Variants in RNF180 observed in about 807,000 individuals in gnomAD.
RNF180 encodes the protein ring finger protein 180, also known as E3 ubiquitin-protein ligase RNF180.
Under a neutral mutation model 59.2 loss-of-function variants are expected in RNF180, and 38 were observed. That is an observed-to-expected ratio of 0.64 (90% CI 0.50 to 0.84). RNF180 has a LOEUF of 0.84. RNF180 is among the 40% of genes least tolerant of loss of function. The pLI, the probability that RNF180 is intolerant of heterozygous loss-of-function variation, is 0.00. For synonymous variants in RNF180, 262 were observed against 240.3 expected (o/e 1.09, Z -0.84); for missense variants, 705 against 700.9 (o/e 1.01, Z -0.07).
At chr5:64,210,582 A>C (rs16892569) in intron 2 of RNF180, among the ~76,000 whole-genome samples, 1,934 of 152,290 alleles carry the variant, frequency 0.013, 41 homozygotes, top group African/African-American at 0.044. Flanking sequence ...CAGTGGAGAT[A>C]GAATGTGACT....
intron 7 of RNF180, among the ~76,000 whole-genome samples, chr5:64,351,309 A>G (rs1745800529): frequency 1.3e-5 from 2 of 152,154 alleles, no homozygotes; most frequent in Admixed American, 1.3e-4. Flanking sequence ...TTGGGCTGAG[A>G]TGATGGGGTT....
intron 5 of RNF180, among the ~76,000 whole-genome samples, chr5:64,261,701 A>T (rs926357246): frequency 6.6e-6 from 1 of 152,048 alleles, no homozygotes; most frequent in Non-Finnish European, 1.5e-5. Context: ...TTAAGTAGGG[A>T]TTTCTTTTGA....
intron 7 of RNF180, among the ~76,000 whole-genome samples, chr5:64,368,010 A>G (rs180919611): frequency 2.0e-5 from 3 of 151,864 alleles, no homozygotes; most frequent in Admixed American, 1.3e-4. Flanking sequence ...TTTTTTCTCA[A>G]GCTCTAATTA....
intron 7 of RNF180, among the ~76,000 whole-genome samples, chr5:64,355,220 AACATGGCAGGTTATACGATCAGC>A (rs1374729140): frequency 1.3e-5 from 2 of 151,986 alleles, no homozygotes; most frequent in African/African-American, 4.8e-5. Context: ...TTAATTTAGC[AACATGGCAGGTTATACGATCAGC>A]ACATAAAAAT....
intron 5 of RNF180, among the ~76,000 whole-genome samples, chr5:64,322,471 G>A (rs1487390338): frequency 6.6e-5 from 10 of 151,968 alleles, no homozygotes; most frequent in African/African-American, 1.2e-4. Context: ...TCAGAATGGC[G>A]ATTATTAAAA....
rs992659681 is a variant in RNF180 at position 64,199,662 on chromosome 5, G to C, written c.1-1146G>C. ...CTTTCAATAAGTGTTGGACGAATGA[G>C]AACTGAATGAACAAATGAGGAAATG... On this transcript the variant is annotated intron_variant, in intron 1 of 7. Transcript: ENST00000389100. Among the ~76,000 whole-genome samples the C allele has an allele frequency of 2.0e-5, 3 of 152,216 alleles. 1 individual carries two copies. The South Asian group carries it at 6.2e-4, about 32-fold the overall frequency.
intron 7 of RNF180, among the ~76,000 whole-genome samples, chr5:64,349,315 CTTCA>C (rs1338320430): frequency 6.6e-6 from 1 of 150,938 alleles, no homozygotes; most frequent in Non-Finnish European, 1.5e-5. Context: ...TTGTTGTTAA[CTTCA>C]TTTTTTTTGT....
At chr5:64,322,599 A>G (rs1390444625) in intron 5 of RNF180, among the ~76,000 whole-genome samples, 2 of 105,654 alleles carry the variant, frequency 1.9e-5, no homozygotes, top group African/African-American at 7.6e-5. Context: ...GAATATATAT[A>G]TACGTGTGTG....
At chr5:64,349,288 A>T (rs1042074549) in intron 7 of RNF180, among the ~76,000 whole-genome samples, 4 of 152,120 alleles carry the variant, frequency 2.6e-5, no homozygotes, top group Non-Finnish European at 5.9e-5. Context: ...AATGCCAAAG[A>T]AAGGATTTTG....
chr5:64,175,483 A>G (rs1273779238), intron 1 of RNF180, among the ~76,000 whole-genome samples: 4 of 151,968 alleles, frequency 2.6e-5, no homozygotes, highest in South Asian at 2.1e-4. Flanking sequence ...TGGCTTTTCT[A>G]TTTTTATAGC....
intron 1 of RNF180, among the ~76,000 whole-genome samples, chr5:64,167,769 A>C (rs1451187680): frequency 6.6e-6 from 1 of 152,164 alleles, no homozygotes; most frequent in East Asian, 1.9e-4. Context: ...ACAAGGGGAC[A>C]GTGTGCTTAG....
chr5:64,182,650 C>T (rs1334400505), intron 1 of RNF180, among the ~76,000 whole-genome samples: 3 of 152,144 alleles, frequency 2.0e-5, no homozygotes, highest in Non-Finnish European at 4.4e-5. Flanking sequence ...GAACAGCTGT[C>T]TCCAGAGGCA....
chr5:64,216,201 G>A (rs1185101571), intron 4 of RNF180, among the ~76,000 whole-genome samples: 2 of 152,064 alleles, frequency 1.3e-5, no homozygotes, highest in African/African-American at 2.4e-5. Context: ...AAAGTGTATG[G>A]CAGCACAGAA....
At chr5:64,241,237 A>C (rs1050797419) in intron 5 of RNF180, among the ~76,000 whole-genome samples, 5 of 152,216 alleles carry the variant, frequency 3.3e-5, no homozygotes, top group African/African-American at 1.2e-4. Context: ...TTCCCAAAAA[A>C]CAAAGACACA....
At chr5:64,311,680 G>T (rs1255915941) in intron 5 of RNF180, among the ~76,000 whole-genome samples, 1 of 151,902 alleles carries the variant, frequency 6.6e-6, no homozygotes, top group Non-Finnish European at 1.5e-5. Flanking sequence ...ATACCATTCA[G>T]ATCTGACATG....
chr5:64,308,502 A>G (rs772627809), intron 5 of RNF180, among the ~76,000 whole-genome samples: 16 of 151,722 alleles, frequency 1.1e-4, no homozygotes, highest in Admixed American at 3.3e-4. Context: ...TATATTGATT[A>G]TTTCACAAAA....
At chr5:64,227,550 G>T (rs926299107) in intron 5 of RNF180, among the ~76,000 whole-genome samples, 1 of 152,200 alleles carries the variant, frequency 6.6e-6, no homozygotes, top group African/African-American at 2.4e-5. Flanking sequence ...TCAGAAAGGG[G>T]CCCCTCCATT....
At chr5:64,301,137 A>G (rs1158242155) in intron 5 of RNF180, among the ~76,000 whole-genome samples, 2 of 151,842 alleles carry the variant, frequency 1.3e-5, no homozygotes, top group Admixed American at 1.3e-4. Context: ...AGTAGGAATA[A>G]ATAATAGAAT....
chr5:64,252,459 G>A (rs916911763), intron 5 of RNF180, among the ~76,000 whole-genome samples: 1 of 152,132 alleles, frequency 6.6e-6, no homozygotes, highest in Non-Finnish European at 1.5e-5. Context: ...AATGATAACT[G>A]TGAGGTAATA....
Sources: allele counts gnomAD v4.1 joint callset (sites outside exome capture counted in the v4.1 genomes callset), GRCh38; gene constraint gnomAD v4.1.1; transcripts MANE v1.5; gene names NCBI Gene and HGNC (gene_info 2026-07-23, HGNC 2026-07-21).